HTR2C: variants seen among roughly 807,000 people sequenced by gnomAD.
HTR2C encodes 5-hydroxytryptamine (serotonin) receptor 2C, G protein-coupled.
In HTR2C, 5 loss-of-function variants were observed where a neutral mutation model predicts 21.0. That is an observed-to-expected ratio of 0.24 (90% CI 0.12 to 0.50). The LOEUF (loss-of-function observed/expected upper bound fraction) is 0.50, where lower values mean the gene tolerates loss of function less well. Among genes scored for constraint, HTR2C ranks in the 20% least tolerant of loss-of-function variants. The pLI is 0.98. For missense variants in HTR2C, 271 were observed against 371.2 expected (o/e 0.73, Z 2.22); for synonymous variants, 150 against 145.3 (o/e 1.03, Z -0.23).
At chrX:114,783,986 A>G (rs1247146553) in intron 4 of HTR2C, among the ~76,000 whole-genome samples, 2 of 111,290 alleles carry the variant, frequency 1.8e-5, no homozygotes, top group African/African-American at 6.5e-5. Context: ...AATAAGGCTG[A>G]AAATTAATGA....
intron 4 of HTR2C, among the ~76,000 whole-genome samples, chrX:114,767,326 C>T (rs1556435504): frequency 9.0e-6 from 1 of 110,910 alleles, no homozygotes. Context: ...TTTCCTTATT[C>T]TAGATCATAT....
chrX:114,654,763 C>T (rs1381909416), intron 2 of HTR2C, among the ~76,000 whole-genome samples: 3 of 110,095 alleles, frequency 2.7e-5, no homozygotes, highest in Non-Finnish European at 3.8e-5. Context: ...AGAATGAGCT[C>T]AGGATACATT....
intron 4 of HTR2C, among the ~76,000 whole-genome samples, chrX:114,763,999 CAT>C (rs1377717607): frequency 9.0e-6 from 1 of 111,704 alleles, no homozygotes; most frequent in Non-Finnish European, 1.9e-5. Flanking sequence ...ATTATAATGA[CAT>C]ATGTGGAAGA....
chrX:114,703,196 T>C (rs1278138353), intron 2 of HTR2C, among the ~76,000 whole-genome samples: 1 of 107,543 alleles, frequency 9.3e-6, no homozygotes, highest in African/African-American at 3.4e-5. Context: ...AACTCAGCTC[T>C]GCACCAAGAG....
chrX:114,698,383 A>G (rs1318038654), intron 2 of HTR2C, among the ~76,000 whole-genome samples: 2 of 109,321 alleles, frequency 1.8e-5, no homozygotes, highest in Admixed American at 9.9e-5. Context: ...AATTTTTTTG[A>G]CTGCTATCCA....
chrX:114,639,830 T>C, intron 2 of HTR2C, among the ~76,000 whole-genome samples: 1 of 111,700 alleles, frequency 9.0e-6, no homozygotes, highest in East Asian at 2.8e-4. Context: ...TAACCTTGTG[T>C]AATGCTGCCT....
At chrX:114,721,303 C>CTT (rs1556420653) in intron 2 of HTR2C, among the ~76,000 whole-genome samples, 1 of 69,562 alleles carries the variant, frequency 1.4e-5, no homozygotes, top group African/African-American at 5.7e-5. Context: ...TTTTTGGCTG[C>CTT]ATAAATGTCT....
At chrX:114,674,310 G>C (rs1432572985) in intron 2 of HTR2C, among the ~76,000 whole-genome samples, 3 of 112,213 alleles carry the variant, frequency 2.7e-5, no homozygotes, top group Non-Finnish European at 5.6e-5. Context: ...CAATTAACAG[G>C]CTAAATGTTA....
chrX:114,744,509 A>G (rs1314602141), intron 4 of HTR2C, among the ~76,000 whole-genome samples: 8 of 106,987 alleles, frequency 7.5e-5, no homozygotes, highest in South Asian at 4.2e-4. Context: ...CTGGAGTGCA[A>G]TGGCTTGATC....
At chrX:114,769,515 T>C (rs2069979209) in intron 4 of HTR2C, among the ~76,000 whole-genome samples, 1 of 111,248 alleles carries the variant, frequency 9.0e-6, no homozygotes, top group East Asian at 2.8e-4. Flanking sequence ...AGTGTACAAT[T>C]CAGTGATTTT....
chrX:114,740,437 G>A (rs2069633896), intron 4 of HTR2C, among the ~76,000 whole-genome samples: 1 of 110,833 alleles, frequency 9.0e-6, no homozygotes. Context: ...AAGTAATTAT[G>A]TTTTAACTCA....
At chrX:114,675,478 C>T (rs1242153863) in intron 2 of HTR2C, among the ~76,000 whole-genome samples, 1 of 112,299 alleles carries the variant, frequency 8.9e-6, no homozygotes, top group East Asian at 2.8e-4. Context: ...AAAGAAGTTA[C>T]TAATCTATAT....
At chrX:114,658,461 T>C (rs782080528) in intron 2 of HTR2C, among the ~76,000 whole-genome samples, 223 of 111,891 alleles carry the variant, frequency 2.0e-3, no homozygotes, top group Non-Finnish European at 3.5e-3. Context: ...TATCACCAGA[T>C]AGCCAAAGTA....
chrX:114,606,358 G>T (rs781927816), intron 1 of HTR2C, among the ~76,000 whole-genome samples: 6 of 111,774 alleles, frequency 5.4e-5, no homozygotes, highest in Non-Finnish European at 1.1e-4. Context: ...TGCCGCTTAA[G>T]GTGAAGGATC....
chrX:114,810,719 G>C (rs1556452514), intron 4 of HTR2C, among the ~76,000 whole-genome samples: 2 of 108,234 alleles, frequency 1.8e-5, no homozygotes, highest in African/African-American at 6.7e-5. Context: ...GTTAAAACCA[G>C]GTACTGTGAT....
At chrX:114,642,625 T>C (rs1930181075) in intron 2 of HTR2C, among the ~76,000 whole-genome samples, 1 of 111,953 alleles carries the variant, frequency 8.9e-6, no homozygotes, top group South Asian at 3.7e-4. Context: ...CATTTATTTA[T>C]GTTTTTATTC....
chrX:114,833,528 G>T (rs181514731), intron 4 of HTR2C, among the ~76,000 whole-genome samples: 6 of 110,671 alleles, frequency 5.4e-5, no homozygotes, highest in South Asian at 7.8e-4. Flanking sequence ...TTTGTATTTC[G>T]GTGGGATTAG....
At chrX:114,805,963 T>TACCATATATATAC (rs1177089017) in intron 4 of HTR2C, among the ~76,000 whole-genome samples, 23 of 53,602 alleles carry the variant, frequency 4.3e-4, no homozygotes, top group African/African-American at 1.1e-3. Context: ...ACCATATATA[T>TACCATATATATAC]ACCATATATA....
intron 5 of HTR2C, among the ~76,000 whole-genome samples, chrX:114,895,923 A>C (rs2071293730): frequency 9.2e-6 from 1 of 108,120 alleles, no homozygotes; most frequent in Non-Finnish European, 1.9e-5. Context: ...TGGGAGGTGG[A>C]GGTTGCAGTG....
Sources: allele counts gnomAD v4.1 joint callset (sites outside exome capture counted in the v4.1 genomes callset), GRCh38; gene constraint gnomAD v4.1.1; transcripts MANE v1.5; gene names NCBI Gene and HGNC (gene_info 2026-07-23, HGNC 2026-07-21).